KIAA0825: variants seen among roughly 807,000 people sequenced by gnomAD.
KIAA0825 encodes KIAA0825, also known as uncharacterized protein KIAA0825.
A neutral mutation model predicts 147.6 loss-of-function variants in KIAA0825; 119 were observed. That is an observed-to-expected ratio of 0.81 (90% CI 0.69 to 0.94). The LOEUF (loss-of-function observed/expected upper bound fraction) is 0.94, where lower values mean the gene tolerates loss of function less well. Ranked by LOEUF, KIAA0825 falls within the 40% of genes least tolerant of loss-of-function variation. The pLI, the probability that KIAA0825 is intolerant of heterozygous loss-of-function variation, is 0.00. For missense variants in KIAA0825, 1,381 were observed against 1,472.7 expected (o/e 0.94, Z 1.02); for synonymous variants, 470 against 518.1 (o/e 0.91, Z 1.26).
chr5:94,251,465 T>G (rs1323211588), intron 20 of KIAA0825, among the ~76,000 whole-genome samples: 1 of 152,094 alleles, frequency 6.6e-6, no homozygotes, highest in East Asian at 1.9e-4. Flanking sequence ...AGGCCATGTA[T>G]GCAAAAGACT....
intron 20 of KIAA0825, among the ~76,000 whole-genome samples, chr5:94,248,129 G>T (rs939410292): frequency 6.6e-6 from 1 of 151,998 alleles, no homozygotes; most frequent in African/African-American, 2.4e-5. Flanking sequence ...TAAATGAGTG[G>T]GATTTTAGGG....
At chr5:94,391,175 AG>A (rs1157370286) in intron 18 of KIAA0825, among the ~76,000 whole-genome samples, 1 of 152,228 alleles carries the variant, frequency 6.6e-6, no homozygotes, top group East Asian at 1.9e-4. Context: ...CTGCAGGAAA[AG>A]AGCTAAGTCT....
At chr5:94,594,383 AC>A (rs1784890027) in intron 1 of KIAA0825, 3 of 761,374 alleles carry the variant, frequency 3.9e-6, no homozygotes, top group Middle Eastern at 2.4e-4. Flanking sequence ...TAGCAGAGGT[AC>A]TAGGAGGAAT....
chr5:94,565,016 C>T (rs1394465351), intron 2 of KIAA0825, among the ~76,000 whole-genome samples: 1 of 130,652 alleles, frequency 7.7e-6, no homozygotes, highest in Non-Finnish European at 1.6e-5. Context: ...CTCCCTCTCT[C>T]TCTCTCTCTC....
intron 20 of KIAA0825, among the ~76,000 whole-genome samples, chr5:94,281,709 G>A (rs940525048): frequency 2.0e-4 from 31 of 151,994 alleles, no homozygotes; most frequent in Admixed American, 6.6e-5. Flanking sequence ...TTGTGACAAC[G>A]AAAACATTCC....
intron 20 of KIAA0825, among the ~76,000 whole-genome samples, chr5:94,211,481 T>C (rs1772702015): frequency 6.6e-6 from 1 of 152,188 alleles, no homozygotes; most frequent in African/African-American, 2.4e-5. Flanking sequence ...ATCACGCTGA[T>C]TCCTTCCTTC....
intron 20 of KIAA0825, among the ~76,000 whole-genome samples, chr5:94,291,801 G>T (rs963757592): frequency 6.6e-6 from 1 of 152,082 alleles, no homozygotes; most frequent in African/African-American, 2.4e-5. Context: ...GCAGTGGTTT[G>T]TAGTTCTCCT....
At chr5:94,271,472 G>A (rs1776982130) in intron 20 of KIAA0825, among the ~76,000 whole-genome samples, 1 of 152,154 alleles carries the variant, frequency 6.6e-6, no homozygotes, top group South Asian at 2.1e-4. Flanking sequence ...TAGAGGCCGG[G>A]CATTGTGGCT....
Position 94,453,275 on chromosome 5 carries a change from C to T in KIAA0825, c.2247-206G>A, listed in dbSNP as rs534722010. On this transcript the variant is annotated intron_variant, in intron 12 of 20. Coordinates refer to ENST00000682413, the MANE Select transcript of KIAA0825 (RefSeq NM_001145678.3). Reference sequence around the variant, plus strand: ...GCAACCTCTGCCTCCCAGGGTCAAGCGATTCTCCTGCTTCAGCCTCCCTAG... The same window carrying T: ...GCAACCTCTGCCTCCCAGGGTCAAGTGATTCTCCTGCTTCAGCCTCCCTAG... 7.9e-5 allele frequency among the ~76,000 whole-genome samples: 12 copies of T among 151,554 alleles called. No homozygotes were observed. In the South Asian group the frequency reaches 8.3e-4, roughly 11 times the overall value.
intron 20 of KIAA0825, among the ~76,000 whole-genome samples, chr5:94,192,461 G>T (rs894930879): frequency 6.6e-6 from 1 of 152,112 alleles, no homozygotes; most frequent in African/African-American, 2.4e-5. Flanking sequence ...ATGGTAAAAA[G>T]AAATATACTA....
chr5:94,287,477 A>T (rs1427322753), intron 20 of KIAA0825, among the ~76,000 whole-genome samples: 1 of 152,204 alleles, frequency 6.6e-6, no homozygotes. Context: ...TTCTGTTTCA[A>T]AAACAAGTAT....
intron 20 of KIAA0825, among the ~76,000 whole-genome samples, chr5:94,362,329 T>A (rs1745173865): frequency 6.6e-6 from 1 of 152,264 alleles, no homozygotes; most frequent in South Asian, 2.1e-4. Flanking sequence ...GTTTGGCATC[T>A]GACTTTGTCC....
At chr5:94,584,383 C>T (rs1423259383) in intron 1 of KIAA0825, among the ~76,000 whole-genome samples, 5 of 152,042 alleles carry the variant, frequency 3.3e-5, no homozygotes, top group Non-Finnish European at 7.4e-5. Context: ...ACGAGAACTT[C>T]GTGAAGCATA....
At chr5:94,404,035 G>C (rs965853950) in intron 15 of KIAA0825, among the ~76,000 whole-genome samples, 3 of 152,062 alleles carry the variant, frequency 2.0e-5, no homozygotes, top group Non-Finnish European at 4.4e-5. Flanking sequence ...TGGTAGTTTT[G>C]GACTCTTCTG....
intron 5 of KIAA0825, among the ~76,000 whole-genome samples, chr5:94,508,254 T>C (rs1766004253): frequency 6.6e-6 from 1 of 152,184 alleles, no homozygotes; most frequent in Non-Finnish European, 1.5e-5. Context: ...TACACAATAT[T>C]GCACAAAACT....
At chr5:94,284,024 A>C (rs1480772751) in intron 20 of KIAA0825, among the ~76,000 whole-genome samples, 1 of 152,134 alleles carries the variant, frequency 6.6e-6, no homozygotes, top group African/African-American at 2.4e-5. Context: ...ATGCATAGTC[A>C]CTCATCTGGA....
intron 20 of KIAA0825, among the ~76,000 whole-genome samples, chr5:94,162,523 C>G (rs1386255265): frequency 1.3e-5 from 2 of 152,016 alleles, no homozygotes; most frequent in Non-Finnish European, 1.5e-5. Flanking sequence ...CCCAGGCTGG[C>G]CTCAAGCAAT....
chr5:94,197,951 G>C (rs1771295440), intron 20 of KIAA0825, among the ~76,000 whole-genome samples: 1 of 151,992 alleles, frequency 6.6e-6, no homozygotes, highest in African/African-American at 2.4e-5. Context: ...TTGGCTATTT[G>C]GTTTCTTGTT....
chr5:94,402,938 A>C (rs1175551521), intron 16 of KIAA0825, among the ~76,000 whole-genome samples: 1 of 152,122 alleles, frequency 6.6e-6, no homozygotes, highest in Non-Finnish European at 1.5e-5. Flanking sequence ...CTATTTAAGA[A>C]GAGAGGACTT....
Sources: allele counts gnomAD v4.1 joint callset (sites outside exome capture counted in the v4.1 genomes callset), GRCh38; gene constraint gnomAD v4.1.1; transcripts MANE v1.5; gene names NCBI Gene and HGNC (gene_info 2026-07-23, HGNC 2026-07-21).